Variants in PAX2 observed in about 807,000 individuals in gnomAD.
PAX2 encodes paired box 2.
Under a neutral mutation model 41.7 loss-of-function variants are expected in PAX2, and 9 were observed. The ratio of observed to expected loss-of-function variants is 0.22; its 90% CI spans 0.13 to 0.38. The LOEUF is 0.38. PAX2 is among the 10% of genes least tolerant of loss of function. PAX2 has a pLI of 1.00. For missense variants in PAX2, 418 were observed against 531.6 expected (o/e 0.79, Z 2.10); for synonymous variants, 221 against 212.7 (o/e 1.04, Z -0.34).
chr10:100,806,430 A>T lies in PAX2; in HGVS notation c.617A>T (p.Asp206Val). ...SNGEKRKRDE[D>V]VSEGSVPNGD... ...CCCCGAGTGTCCATGTGTTCTCCAG[A>T]TGTGTCTGAGGGCTCAGTCCCCAAT... The change falls in exon 6 of 10, where the codon GAT (aspartate) becomes GTT (valine). Residue 206 changes from aspartate (D) to valine (V), a missense_variant and splice_region_variant. By Grantham distance (152) the Asp-to-Val change is radical. Coordinates refer to ENST00000355243, the MANE Select transcript of PAX2 (RefSeq NM_000278.5). The T allele has an allele frequency of 6.2e-7, 1 of 1,614,158 alleles. No individual in the cohort carries two copies. Among genetic ancestry groups the T allele is most frequent in the South Asian group, 1.1e-5 (1 of 91,090 alleles).
At chr10:100,823,617 G>A (rs537538287) in intron 7 of PAX2, among the ~76,000 whole-genome samples, 1 of 152,302 alleles carries the variant, frequency 6.6e-6, no homozygotes, top group East Asian at 1.9e-4. Context: ...AGTGGCATTG[G>A]CTAGTGAGGA....
upstream of PAX2, among the ~76,000 whole-genome samples, chr10:100,742,653 C>T (rs760704256): frequency 1.3e-5 from 2 of 151,826 alleles, no homozygotes; most frequent in Non-Finnish European, 2.9e-5. Flanking sequence ...GAGGCGGGCT[C>T]CTTGTTTGAA....
At position 100,826,934 on chromosome 10, in the gene PAX2, GAAGCCACCGGCCGGACTC is replaced by G; in HGVS notation, c.1022-74_1022-57del. The G allele has an allele frequency of 1.0e-6, 1 of 1,000,114 alleles. No homozygotes were observed. Among genetic ancestry groups the G allele is most frequent in the Non-Finnish European group, 1.6e-6 (1 of 631,922 alleles). The allele number at this position is 1,000,114 out of a possible 1,614,324, so 62.0% of individuals were successfully genotyped here. A position where few individuals can be genotyped will look rare whatever the true frequency, so the allele number is the denominator to read the frequency against. Reference sequence around the variant, plus strand: ...AGACCCGGCGGGAGGAGCGGGCGGAGAAGCCACCGGCCGGACTCGTGGGGTCCGCCCTGGCTTGCAGGC... The same window carrying G: ...AGACCCGGCGGGAGGAGCGGGCGGAGGTGGGGTCCGCCCTGGCTTGCAGGC... On this transcript the variant is annotated intron_variant, in intron 8 of 9. Transcript: ENST00000355243. This position sits in a 1 kb window ranked among gnomAD's most constrained non-coding sequence, Gnocchi z 5.5.
chr10:100,778,061 C>T (rs551082260), intron 3 of PAX2, among the ~76,000 whole-genome samples: 29 of 152,312 alleles, frequency 1.9e-4, no homozygotes, highest in African/African-American at 6.7e-4. Flanking sequence ...TTATTTTTTA[C>T]TGGGGAAAGA....
rs115892237 is a variant in PAX2 at position 100,801,200 on chromosome 10, G to A, written c.617-5230G>A. Among the ~76,000 whole-genome samples the A allele has an allele frequency of 6.4e-3, 979 of 152,168 alleles. 14 individuals carry two copies. Among genetic ancestry groups the A allele is most frequent in the African/African-American group, 0.023 (937 of 41,512 alleles). On this transcript the variant is annotated intron_variant, in intron 5 of 9. Coordinates refer to ENST00000355243, the MANE Select transcript of PAX2 (RefSeq NM_000278.5). Reference sequence around the variant, plus strand: ...CCCCTTGAGCCAGTCACTTGCCCTCGCTTCACCTGCACCTCATTTACTCTG... The same window carrying A: ...CCCCTTGAGCCAGTCACTTGCCCTCACTTCACCTGCACCTCATTTACTCTG...
chr10:100,758,014 A>G (rs1026482313), intron 3 of PAX2, among the ~76,000 whole-genome samples: 3 of 152,194 alleles, frequency 2.0e-5, no homozygotes, highest in African/African-American at 4.8e-5. Flanking sequence ...GCAATCAACC[A>G]TGGGAGAAAT....
rs917312825 is a variant in PAX2, at chr10:100,750,202, T to G, written c.212+288T>G. On this transcript the variant is annotated intron_variant, in intron 2 of 9. Coordinates refer to ENST00000355243, the MANE Select transcript of PAX2 (RefSeq NM_000278.5). The surrounding 1 kb of genome is among the most constrained non-coding windows in gnomAD (Gnocchi z 4.1). ...GGGAAGGATGACTTTCCTAATGGAG[T>G]TAAGGCAGATACGGGGTGGGAGACA... Among the ~76,000 whole-genome samples, 1 of 151,322 alleles carries G rather than the reference T, an allele frequency of 6.6e-6. No homozygotes were observed. The highest frequency in any genetic ancestry group is 2.4e-5 in the African/African-American group (1 of 40,964).
At chr10:100,741,330 G>T (rs1749539259), upstream of PAX2, among the ~76,000 whole-genome samples, 3 of 145,984 alleles carry the variant, frequency 2.1e-5, no homozygotes, top group Admixed American at 2.1e-4. Context: ...AAAAAAAAAA[G>T]AAAGTAGCTT....
chr10:100,787,869 G>A (rs2133912197), intron 5 of PAX2, among the ~76,000 whole-genome samples: 1 of 152,028 alleles, frequency 6.6e-6, no homozygotes, highest in East Asian at 1.9e-4. Flanking sequence ...GTGGAAGAAG[G>A]CAGTCATTAC....
Position 100,745,677 on chromosome 10 carries a change from G to T in PAX2, c.-584G>T. ...CTCCCTCCCTCCCTCCCGGCCCTTC[G>T]GCCGCGGCGGCGTGCGCCTGCCTTT... On this transcript the variant is annotated 5_prime_UTR_variant, in exon 1 of 10. Coordinates refer to ENST00000355243, the MANE Select transcript of PAX2 (RefSeq NM_000278.5). The T allele has an allele frequency of 1.1e-6, 1 of 902,834 alleles. No individual in the cohort carries two copies. The highest frequency in any genetic ancestry group is 1.3e-6 in the Non-Finnish European group (1 of 743,554). 55.9% of individuals were successfully genotyped at this position (902,834 alleles called of 1,614,324 possible).
intron 5 of PAX2, among the ~76,000 whole-genome samples, chr10:100,789,550 G>T (rs915383189): frequency 2.0e-5 from 3 of 152,172 alleles, no homozygotes; most frequent in Admixed American, 2.0e-4. Context: ...AAATCTATAT[G>T]ATGGTAACCA....
At chr10:100,747,704 A>G (rs956550540) in intron 1 of PAX2, 4 of 984,122 alleles carry the variant, frequency 4.1e-6, no homozygotes, top group African/African-American at 1.8e-5. Flanking sequence ...GATAAAATAT[A>G]TTTTTCTAAG....
At chr10:100,768,129 G>A (rs1846087262) in intron 3 of PAX2, among the ~76,000 whole-genome samples, 1 of 152,016 alleles carries the variant, frequency 6.6e-6, no homozygotes, top group South Asian at 2.1e-4. Flanking sequence ...ACCCCAGGAA[G>A]GGAACAATGA....
At chr10:100,804,953 C>T (rs1305608479) in intron 5 of PAX2, among the ~76,000 whole-genome samples, 1 of 151,814 alleles carries the variant, frequency 6.6e-6, no homozygotes, top group East Asian at 1.9e-4. Flanking sequence ...CTCTGTCTCT[C>T]TCTCCCTCTC....
intron 3 of PAX2, among the ~76,000 whole-genome samples, chr10:100,771,386 A>G (rs536653773): frequency 1.8e-3 from 278 of 152,268 alleles, no homozygotes; most frequent in African/African-American, 6.0e-3. Context: ...GAGCATGGGC[A>G]AAAAAACCTC....
At chr10:100,816,056 T>G (rs1197417938) in intron 7 of PAX2, among the ~76,000 whole-genome samples, 1 of 152,140 alleles carries the variant, frequency 6.6e-6, no homozygotes, top group East Asian at 1.9e-4. Context: ...CTTCATCTCT[T>G]CCCTCTGTCC....
intron 5 of PAX2, among the ~76,000 whole-genome samples, chr10:100,802,157 A>G (rs1207190034): frequency 6.6e-6 from 1 of 152,150 alleles, no homozygotes; most frequent in East Asian, 1.9e-4. Flanking sequence ...ACCCACAGCC[A>G]CCATATTTTC....
At chr10:100,788,424 C>G (rs1028946245) in intron 5 of PAX2, among the ~76,000 whole-genome samples, 1 of 152,182 alleles carries the variant, frequency 6.6e-6, no homozygotes, top group Non-Finnish European at 1.5e-5. Flanking sequence ...CAAGGAGGAC[C>G]CCGAGGAAGA....
upstream of PAX2, among the ~76,000 whole-genome samples, chr10:100,743,425 A>AGG (rs56132517): frequency 2.6e-4 from 40 of 151,212 alleles, no homozygotes; most frequent in African/African-American, 9.2e-4. Flanking sequence ...TCTGTGTGGA[A>AGG]GGGGGGGGGT....
Sources: allele counts gnomAD v4.1 joint callset (sites outside exome capture counted in the v4.1 genomes callset), GRCh38; gene constraint gnomAD v4.1.1; non-coding constraint Gnocchi (gnomAD v3.1); transcripts MANE v1.5; gene names NCBI Gene and HGNC (gene_info 2026-07-23, HGNC 2026-07-21).